TNNT1: variants seen among roughly 807,000 people sequenced by gnomAD.
TNNT1 encodes troponin T, slow skeletal muscle.
Under a neutral mutation model 50.6 loss-of-function variants are expected in TNNT1, and 53 were observed. The ratio of observed to expected loss-of-function variants is 1.05; its 90% CI spans 0.84 to 1.32. The LOEUF (loss-of-function observed/expected upper bound fraction) is 1.32. Ranked by LOEUF, TNNT1 falls within the 40% of genes most tolerant of loss-of-function variation. The pLI is 0.00. For synonymous variants in TNNT1, 142 were observed against 138.0 expected, an observed-to-expected ratio of 1.03 and a Z score of -0.20; for missense variants, 348 against 381.7, an observed-to-expected ratio of 0.91 and a Z score of 0.74.
rs1599893720 is a variant in TNNT1 at position 55,146,388 on chromosome 19, C to G, written c.106+46G>C. On this transcript the variant is annotated intron_variant, in intron 5 of 13. Transcript: ENST00000588981. ...GGGCCCGAGGATATCGGGGGTCCCC[C>G]CGGGCCCCCGACATCGGTCTCGGGA... The G allele has an allele frequency of 5.2e-6, 7 of 1,335,460 alleles. No homozygotes were observed. In the East Asian group the frequency reaches 1.8e-4, roughly 34 times the overall value. The allele number at this position is 1,335,460 out of a possible 1,614,324, so 82.7% of individuals were successfully genotyped here. A position where few individuals can be genotyped will look rare whatever the true frequency, so the allele number is the denominator to read the frequency against.
At chr19:55,140,357 C>T (rs770864641) in intron 9 of TNNT1, among the ~76,000 whole-genome samples, 1 of 151,690 alleles carries the variant, frequency 6.6e-6, no homozygotes, top group African/African-American at 2.4e-5. Context: ...ATAGTTCCAG[C>T]GACTCTGGAG....
Position 55,133,829 on chromosome 19 carries a change from C to T in TNNT1, c.791+58G>A, listed in dbSNP as rs1449670590. On this transcript the variant is annotated intron_variant, in intron 13 of 13. Coordinates refer to ENST00000588981, the MANE Select transcript of TNNT1 (RefSeq NM_003283.6). The stretch of plus-strand genomic sequence containing the variant: ...GAGCCCACAGAGGGAGGGAAAGAGG[C>T]CTGAGAGTCAGCGGGAGGGTAGGGA... 4.1e-5 allele frequency: 66 copies of T among 1,605,478 alleles called. 1 individual carries two copies. The highest frequency in any genetic ancestry group is 5.5e-5 in the Non-Finnish European group (65 of 1,172,836).
intron 11 of TNNT1, among the ~76,000 whole-genome samples, chr19:55,136,301 G>A (rs1005999673): frequency 6.6e-6 from 1 of 151,956 alleles, no homozygotes; most frequent in African/African-American, 2.4e-5. Context: ...TGCCCAGGCT[G>A]GTCTCCAACT....
chr19:55,146,727 A>ATTCT lies in TNNT1; in HGVS notation c.47-21_47-20insAGAA. 6.7e-7 allele frequency: 1 copy of ATTCT among 1,498,076 alleles called. No homozygotes were observed. The highest frequency in any genetic ancestry group is 8.9e-7 in the Non-Finnish European group (1 of 1,122,408). The allele number at this position is 1,498,076 out of a possible 1,614,324, so 92.8% of individuals were successfully genotyped here. A position where few individuals can be genotyped will look rare whatever the true frequency, so the allele number is the denominator to read the frequency against. ...CCTCCTCTGGAGATGGGGGCACAGA[A>ATTCT]GAGAAGGCGTTAGGAGCTGGGGGAG... On this transcript the variant is annotated intron_variant, in intron 3 of 13. Coordinates refer to ENST00000588981, the MANE Select transcript of TNNT1 (RefSeq NM_003283.6).
intron 6 of TNNT1, among the ~76,000 whole-genome samples, chr19:55,143,329 G>A (rs1158516115): frequency 6.6e-6 from 1 of 152,152 alleles, no homozygotes; most frequent in Admixed American, 6.5e-5. Context: ...TGACGTGTGT[G>A]GCTTGCCATC....
intron 10 of TNNT1, among the ~76,000 whole-genome samples, chr19:55,137,499 G>C (rs79204375): frequency 5.0e-5 from 5 of 99,898 alleles, no homozygotes; most frequent in Non-Finnish European, 2.0e-5. Context: ...CCTCAGCCCA[G>C]GAGTCCAGAC....
chr19:55,136,974 C>T (rs2085355769), intron 11 of TNNT1, 129 bp downstream of exon 11: 1 of 641,096 alleles, frequency 1.6e-6, no homozygotes, highest in Admixed American at 2.5e-5. Context: ...GGGGAAGCCA[C>T]TTGCCCAAAG....
In TNNT1 at chr19:55,141,116, G is replaced by C. The variant is rs1599882869; in HGVS notation, c.309+70C>G. 9 of 1,499,610 alleles carry C rather than the reference G, an allele frequency of 6.0e-6. No individual in the cohort carries two copies. In the East Asian group the frequency reaches 1.8e-4, roughly 30 times the overall value. The allele number at this position is 1,499,610 out of a possible 1,614,324, so 92.9% of individuals were successfully genotyped here. ...TGTACTAGGAGGAAAACTATTATCTGCATCTCCCAAGATGCAAGGGATCCA... is the reference window on the plus strand; with the variant it reads ...TGTACTAGGAGGAAAACTATTATCTCCATCTCCCAAGATGCAAGGGATCCA... On this transcript the variant is annotated intron_variant, in intron 8 of 13. Coordinates refer to ENST00000588981, the MANE Select transcript of TNNT1 (RefSeq NM_003283.6).
intron 9 of TNNT1, among the ~76,000 whole-genome samples, chr19:55,140,029 C>T (rs1156731897): frequency 6.6e-6 from 1 of 151,418 alleles, no homozygotes; most frequent in Non-Finnish European, 1.5e-5. Flanking sequence ...GAGGCTGAGG[C>T]AGGGGAATTG....
intron 6 of TNNT1, among the ~76,000 whole-genome samples, chr19:55,143,026 G>C (rs1215601665): frequency 6.6e-6 from 1 of 151,908 alleles, no homozygotes; most frequent in Non-Finnish European, 1.5e-5. Flanking sequence ...AAAATTAGCT[G>C]GGCATGGTGG....
At chr19:55,140,140 AT>A (rs1331671205) in intron 9 of TNNT1, among the ~76,000 whole-genome samples, 7 of 149,954 alleles carry the variant, frequency 4.7e-5, no homozygotes, top group African/African-American at 1.7e-4. Flanking sequence ...AAAAATTAAA[AT>A]TAAAAAAAAA....
At position 55,140,917 on chromosome 19, in the gene TNNT1, G is replaced by T. The variant is rs1156791747; in HGVS notation, c.353C>A (p.Thr118Asn). The change falls in exon 9 of 14, where the codon ACT becomes AAT. Residue 118 changes from threonine to asparagine, a missense_variant. Around this residue, in one of 3 missense-constraint regions of TNNT1, gnomAD observed 253 missense variants for 291.8 expected, o/e 0.87. Transcript: ENST00000588981. ...AGCCTGACGTTCGCGTTCCTTCTCA[G>T]TTCTGAAGCGCTGTTGCTCGGCTCT... ...SERAEQQRFR[T>N]EKERERQAKL... is the part of the protein sequence containing the mutation. 6.2e-7 allele frequency: 1 copy of T among 1,613,750 alleles called. No individual in the cohort carries two copies. The highest frequency in any genetic ancestry group is 2.2e-5 in the East Asian group (1 of 44,898).
intron 1 of TNNT1, among the ~76,000 whole-genome samples, chr19:55,148,852 C>T (rs998305882): frequency 1.3e-5 from 2 of 152,012 alleles, no homozygotes; most frequent in Non-Finnish European, 2.9e-5. Context: ...CCTCCAAGTC[C>T]AGATATCCCT....
intron 11 of TNNT1, among the ~76,000 whole-genome samples, chr19:55,136,411 GC>G: frequency 6.6e-6 from 1 of 152,302 alleles, no homozygotes; most frequent in East Asian, 1.9e-4. Flanking sequence ...CTATCTCACT[GC>G]CCTTTCACAG....
intron 11 of TNNT1, among the ~76,000 whole-genome samples, chr19:55,136,610 G>A (rs924763963): frequency 6.6e-6 from 1 of 152,176 alleles, no homozygotes; most frequent in African/African-American, 2.4e-5. Flanking sequence ...TGAAGTTTCT[G>A]AGCCACAGCC....
intron 1 of TNNT1, chr19:55,147,431 G>T: frequency 2.6e-6 from 1 of 386,110 alleles, no homozygotes. Flanking sequence ...GGACTCCTGG[G>T]TCTGAGGGAG....
Position 55,132,722 on chromosome 19 carries a change from A to G in TNNT1, c.*193T>C. On this transcript the variant is annotated 3_prime_UTR_variant, in exon 14 of 14. Transcript: ENST00000588981. ...GTGAAGGTTCAGCCTGCCGTACTTT[A>G]ATGATTATTGGTGACACTCTTTCAA... is the stretch of plus-strand genomic sequence containing the variant. 1 of 630,982 alleles carries G rather than the reference A, an allele frequency of 1.6e-6. No individual in the cohort carries two copies. The highest frequency in any genetic ancestry group is 2.8e-6 in the Non-Finnish European group (1 of 353,248). 39.1% of individuals were successfully genotyped at this position (630,982 alleles called of 1,614,324 possible).
In TNNT1 at chr19:55,140,912, T is replaced by C; in HGVS notation, c.358A>G (p.Lys120Glu). The C allele has an allele frequency of 6.2e-7, 1 of 1,613,778 alleles. No individual in the cohort carries two copies. Among genetic ancestry groups the C allele is most frequent in the Non-Finnish European group, 8.5e-7 (1 of 1,180,016 alleles). ...RAEQQRFRTE[K>E]ERERQAKLAE... ...AGCTTAGCCTGACGTTCGCGTTCCT[T>C]CTCAGTTCTGAAGCGCTGTTGCTCG... The change falls in exon 9 of 14, where the codon AAG (lysine) becomes GAG (glutamate). Residue 120 changes from lysine (K) to glutamate (E), a missense_variant. Around this residue, in one of 3 missense-constraint regions of TNNT1, gnomAD observed 253 missense variants for 291.8 expected, o/e 0.87. Transcript: ENST00000588981.
intron 9 of TNNT1, among the ~76,000 whole-genome samples, chr19:55,139,153 C>T (rs1030564867): frequency 3.9e-5 from 6 of 152,134 alleles, no homozygotes; most frequent in African/African-American, 1.4e-4. Context: ...ACATGTGCCA[C>T]CATTACCAGC....
Sources: gnomAD v4.1 joint callset for allele counts (sites outside exome capture counted in the v4.1 genomes callset) on GRCh38, gnomAD v4.1.1 for gene constraint, gnomAD v4.1.1 regional missense constraint, MANE v1.5 for transcripts, NCBI Gene and HGNC (gene_info 2026-07-23, HGNC 2026-07-21) for gene names.